Variants in SPTLC3 observed in about 807,000 individuals in gnomAD.
SPTLC3 encodes serine palmitoyltransferase 3.
Under a neutral mutation model 59.3 loss-of-function variants are expected in SPTLC3, and 36 were observed. That is an observed-to-expected ratio of 0.61 (90% CI 0.47 to 0.80). The LOEUF (loss-of-function observed/expected upper bound fraction) is 0.80. Ranked by LOEUF, SPTLC3 falls within the 30% of genes least tolerant of loss-of-function variation. The pLI is 0.00. For synonymous variants in SPTLC3, 257 were observed against 240.8 expected (o/e 1.07, Z -0.62); for missense variants, 625 against 685.1 (o/e 0.91, Z 0.98).
intron 9 of SPTLC3, among the ~76,000 whole-genome samples, chr20:13,150,091 C>A (rs2038608957): frequency 6.6e-6 from 1 of 152,154 alleles, no homozygotes; most frequent in Non-Finnish European, 1.5e-5. Flanking sequence ...TATCTGTGTG[C>A]CTTGATTTCC....
chr20:13,088,360 A>G lies in SPTLC3; in HGVS notation c.608-2723A>G, dbSNP rs535314288. Among the ~76,000 whole-genome samples the G allele has an allele frequency of 3.7e-3, 568 of 151,944 alleles. 3 individuals are homozygous for G. The highest frequency in any genetic ancestry group is 0.013 in the African/African-American group (548 of 41,412). ...TCTTTGTTTTTGTTTTTTGAGATGG[A>G]GTCTTGCTCTGTCGCCCAGGCTGGA... On this transcript the variant is annotated intron_variant, in intron 4 of 11. Transcript: ENST00000399002.
At chr20:13,074,069 G>A in intron 3 of SPTLC3, 2 of 651,942 alleles carry the variant, frequency 3.1e-6, no homozygotes, top group South Asian at 1.4e-5. Flanking sequence ...CCTGCTGTGG[G>A]CTGGAAGCTA....
At chr20:13,085,761 G>T (rs1988984816) in intron 4 of SPTLC3, among the ~76,000 whole-genome samples, 1 of 152,178 alleles carries the variant, frequency 6.6e-6, no homozygotes, top group Non-Finnish European at 1.5e-5. Flanking sequence ...ACAGTCCATA[G>T]ATAGAATATT....
chr20:13,127,384 G>T (rs895010907), intron 9 of SPTLC3, among the ~76,000 whole-genome samples: 1 of 152,202 alleles, frequency 6.6e-6, no homozygotes, highest in African/African-American at 2.4e-5. Flanking sequence ...AGTTCTTGCT[G>T]CCAGGCAAAC....
At chr20:13,055,547 G>A (rs1832357974) in intron 2 of SPTLC3, among the ~76,000 whole-genome samples, 2 of 152,174 alleles carry the variant, frequency 1.3e-5, no homozygotes, top group South Asian at 2.1e-4. Flanking sequence ...TTTCTCAGGT[G>A]TGGCATTTCT....
At chr20:13,018,363 C>T (rs984282160) in intron 1 of SPTLC3, among the ~76,000 whole-genome samples, 11 of 152,102 alleles carry the variant, frequency 7.2e-5, no homozygotes, top group African/African-American at 2.4e-4. Context: ...TAATCATTGG[C>T]AAAGACACAT....
intron 2 of SPTLC3, among the ~76,000 whole-genome samples, chr20:13,062,192 A>C (rs1175907521): frequency 2.6e-5 from 4 of 152,134 alleles, no homozygotes; most frequent in Non-Finnish European, 5.9e-5. Flanking sequence ...AGCCAGAATC[A>C]CTGGCCAACA....
intron 1 of SPTLC3, among the ~76,000 whole-genome samples, chr20:13,014,786 AT>A (rs201740270): frequency 2.3e-4 from 29 of 126,584 alleles, no homozygotes; most frequent in African/African-American, 6.7e-4. Context: ...AGCTGTCTAA[AT>A]TTAAAAAAAA....
intron 1 of SPTLC3, among the ~76,000 whole-genome samples, chr20:13,044,327 C>T (rs1423183884): frequency 1.3e-5 from 2 of 152,070 alleles, no homozygotes; most frequent in Non-Finnish European, 2.9e-5. Flanking sequence ...GTCTTGAACT[C>T]CTGACCTCAG....
intron 9 of SPTLC3, among the ~76,000 whole-genome samples, chr20:13,148,972 G>T (rs746453119): frequency 2.0e-5 from 3 of 152,160 alleles, no homozygotes; most frequent in Non-Finnish European, 2.9e-5. Context: ...TGTAAGATAA[G>T]CTTATCTCTA....
intron 2 of SPTLC3, among the ~76,000 whole-genome samples, chr20:13,057,029 C>T (rs1005320584): frequency 3.9e-5 from 6 of 152,166 alleles, no homozygotes; most frequent in African/African-American, 7.2e-5. Context: ...CATGAGCCAC[C>T]GCACCTGGCT....
At chr20:13,060,836 A>G (rs1165978492) in intron 2 of SPTLC3, among the ~76,000 whole-genome samples, 2 of 132,818 alleles carry the variant, frequency 1.5e-5, no homozygotes, top group East Asian at 2.2e-4. Context: ...GTGTGTGTGT[A>G]TGCACACACC....
intron 2 of SPTLC3, among the ~76,000 whole-genome samples, chr20:13,070,619 T>TGACC (rs1478132519): frequency 6.6e-6 from 1 of 152,190 alleles, no homozygotes; most frequent in African/African-American, 2.4e-5. Context: ...AATTATTCAG[T>TGACC]GACCCCTCAT....
chr20:13,156,063 AAC>A (rs374657343), intron 10 of SPTLC3, among the ~76,000 whole-genome samples: 25 of 151,036 alleles, frequency 1.7e-4, no homozygotes, highest in African/African-American at 4.4e-4. Flanking sequence ...GACACATACA[AAC>A]ACACACACAC....
chr20:13,127,730 G>A (rs1033640218), intron 9 of SPTLC3, among the ~76,000 whole-genome samples: 1 of 152,162 alleles, frequency 6.6e-6, no homozygotes, highest in Non-Finnish European at 1.5e-5. Context: ...TTGTTTGAAA[G>A]ACAAGACTTT....
intron 1 of SPTLC3, among the ~76,000 whole-genome samples, chr20:13,015,852 A>C (rs531966164): frequency 1.1e-4 from 17 of 152,228 alleles, no homozygotes. Context: ...TTTTAAAATA[A>C]TATTTACATG....
intron 3 of SPTLC3, among the ~76,000 whole-genome samples, chr20:13,072,856 C>T (rs1385177276): frequency 6.6e-6 from 1 of 152,214 alleles, no homozygotes; most frequent in African/African-American, 2.4e-5. Flanking sequence ...AGATGTCTTT[C>T]TCAAATGCTC....
rs980345574 is a variant in SPTLC3 at position 13,164,892 on chromosome 20, A to G, written c.*25A>G. Reference sequence around the variant, plus strand: ...AGTTTCCTGGTCCTGAATGACACATAAAGACTTTGCGAGAAAGACCTCCCT... The same window carrying G: ...AGTTTCCTGGTCCTGAATGACACATGAAGACTTTGCGAGAAAGACCTCCCT... On this transcript the variant is annotated 3_prime_UTR_variant, in exon 12 of 12. Coordinates refer to ENST00000399002, the MANE Select transcript of SPTLC3 (RefSeq NM_018327.4). 47 of 1,588,676 alleles carry G rather than the reference A, an allele frequency of 3.0e-5. No homozygotes were observed. Among genetic ancestry groups the G allele is most frequent in the Non-Finnish European group, 3.7e-5 (43 of 1,162,894 alleles).
Position 13,091,260 on chromosome 20 carries a change from A to G in SPTLC3, c.732+53A>G, listed in dbSNP as rs879101351. 23 of 1,590,410 alleles carry G rather than the reference A, an allele frequency of 1.4e-5. 1 individual carries two copies. In the South Asian group the frequency reaches 2.6e-4, roughly 18 times the overall value. ...TACTGTATTACTCCTAAGAACTGTA[A>G]CTCTGAGTAGGTCCTTGTTAGAAGT... is the stretch of plus-strand genomic sequence containing the variant. On this transcript the variant is annotated intron_variant, in intron 5 of 11. Transcript: ENST00000399002.
Sources: gnomAD v4.1 joint callset for allele counts (sites outside exome capture counted in the v4.1 genomes callset) on GRCh38, gnomAD v4.1.1 for gene constraint, MANE v1.5 for transcripts, NCBI Gene and HGNC (gene_info 2026-07-23, HGNC 2026-07-21) for gene names.